The following EYS variants were observed in gnomAD, a reference collection of about 807,000 sequenced individuals.
EYS encodes the protein protein eyes shut homolog.
A neutral mutation model predicts 282.1 loss-of-function variants in EYS; 250 were observed. The observed-to-expected ratio is 0.89, with a 90% CI of 0.80 to 0.98. The LOEUF is 0.98. Ranked by LOEUF, EYS falls within the 50% of genes least tolerant of loss-of-function variation. The probability of loss-of-function intolerance (pLI) is 0.00; values close to 1 mark genes in which losing one functional copy is unlikely to be tolerated. For synonymous variants in EYS, 1,355 were observed against 1,282.9 expected (o/e 1.06, Z -1.20); for missense variants, 4,016 against 3,709.0 (o/e 1.08, Z -2.15).
At chr6:64,033,838 C>G (rs983542427) in intron 33 of EYS, among the ~76,000 whole-genome samples, 2 of 148,928 alleles carry the variant, frequency 1.3e-5, no homozygotes, top group Admixed American at 1.3e-4. Context: ...CTCTCTCTCT[C>G]TCTCTCTCTA....
chr6:63,820,223 TTAC>T (rs764109385), intron 36 of EYS, among the ~76,000 whole-genome samples: 25 of 152,328 alleles, frequency 1.6e-4, no homozygotes, highest in Non-Finnish European at 2.4e-4. Context: ...ATTTCCCTGA[TTAC>T]TAGTGAGTTT....
intron 22 of EYS, among the ~76,000 whole-genome samples, chr6:64,692,369 C>T (rs1380103878): frequency 1.3e-5 from 2 of 151,704 alleles, no homozygotes; most frequent in African/African-American, 4.8e-5. Flanking sequence ...CAATATAAGA[C>T]ATTTGTCAGA....
At chr6:63,794,858 T>C (rs1770602775) in intron 37 of EYS, among the ~76,000 whole-genome samples, 1 of 152,196 alleles carries the variant, frequency 6.6e-6, no homozygotes, top group Admixed American at 6.5e-5. Context: ...CAGTGAATCT[T>C]AATGAAATCA....
intron 40 of EYS, among the ~76,000 whole-genome samples, chr6:63,777,046 T>C (rs1411652875): frequency 6.6e-6 from 1 of 152,232 alleles, no homozygotes; most frequent in Non-Finnish European, 1.5e-5. Context: ...CCAAAAGTTA[T>C]TGCTCTGTGA....
chr6:63,803,303 G>C (rs1013590702), intron 37 of EYS, among the ~76,000 whole-genome samples: 9 of 151,850 alleles, frequency 5.9e-5, no homozygotes. Flanking sequence ...ATGATAAGTG[G>C]TGTGCAGAGT....
At chr6:65,255,875 G>A (rs1767446869) in intron 12 of EYS, among the ~76,000 whole-genome samples, 3 of 152,000 alleles carry the variant, frequency 2.0e-5, no homozygotes, top group Non-Finnish European at 2.9e-5. Flanking sequence ...TGTGAGGAAA[G>A]GGTAACCCAC....
intron 41 of EYS, among the ~76,000 whole-genome samples, chr6:63,757,344 T>A (rs1267837854): frequency 2.0e-5 from 3 of 152,036 alleles, no homozygotes; most frequent in Admixed American, 6.6e-5. Context: ...AACCCCACCC[T>A]GGTAAATTTG....
chr6:64,092,662 C>G (rs1475301098), intron 31 of EYS, among the ~76,000 whole-genome samples: 1 of 152,036 alleles, frequency 6.6e-6, no homozygotes, highest in African/African-American at 2.4e-5. Context: ...AGCCCTTTGT[C>G]AGATGAGTAG....
At chr6:63,934,224 G>A (rs773398579) in intron 35 of EYS, among the ~76,000 whole-genome samples, 57 of 152,242 alleles carry the variant, frequency 3.7e-4, no homozygotes, top group South Asian at 2.9e-3. Flanking sequence ...CAGTTAGAAC[G>A]GCGATCATTA....
intron 35 of EYS, among the ~76,000 whole-genome samples, chr6:63,871,759 T>A (rs1157385091): frequency 1.3e-5 from 2 of 152,176 alleles, no homozygotes; most frequent in African/African-American, 4.8e-5. Flanking sequence ...TGTAAACACA[T>A]TCCCTTTGCC....
At chr6:65,558,926 G>A (rs551934830) in intron 2 of EYS, among the ~76,000 whole-genome samples, 3 of 152,112 alleles carry the variant, frequency 2.0e-5, no homozygotes, top group Non-Finnish European at 4.4e-5. Context: ...TTGATGAAAT[G>A]GAAGATTTTA....
chr6:65,408,572 T>C (rs577722458), intron 5 of EYS, among the ~76,000 whole-genome samples: 92 of 152,282 alleles, frequency 6.0e-4, no homozygotes, highest in Non-Finnish European at 1.0e-3. Context: ...TAATGAGTCC[T>C]CACTTCCAAT....
chr6:64,956,847 A>T (rs1011610241), intron 14 of EYS, among the ~76,000 whole-genome samples: 1 of 152,228 alleles, frequency 6.6e-6, no homozygotes, highest in Admixed American at 6.5e-5. Flanking sequence ...GCTTAACATC[A>T]CTGATTATCA....
chr6:64,293,878 G>T (rs755107245), intron 30 of EYS, among the ~76,000 whole-genome samples: 1 of 152,044 alleles, frequency 6.6e-6, no homozygotes, highest in Non-Finnish European at 1.5e-5. Context: ...AGAAACTAGA[G>T]GTAGAATAAC....
intron 1 of EYS, among the ~76,000 whole-genome samples, chr6:65,657,769 A>G (rs1767876656): frequency 6.6e-6 from 1 of 151,874 alleles, no homozygotes; most frequent in Admixed American, 6.6e-5. Context: ...ATTTTGAAAG[A>G]AGTTCTACTG....
At chr6:64,802,994 AG>A (rs1764302758) in intron 22 of EYS, among the ~76,000 whole-genome samples, 1 of 152,144 alleles carries the variant, frequency 6.6e-6, no homozygotes, top group South Asian at 2.1e-4. Flanking sequence ...GCTCCATGCA[AG>A]GTTACAACTG....
intron 1 of EYS, among the ~76,000 whole-genome samples, chr6:65,681,903 A>AC (rs1163546193): frequency 7.2e-5 from 11 of 152,026 alleles, no homozygotes; most frequent in Non-Finnish European, 7.4e-5. Context: ...TAGTGCCTCT[A>AC]CCTGTCAAGC....
At chr6:64,955,176 C>A (rs1769654124) in intron 14 of EYS, among the ~76,000 whole-genome samples, 1 of 150,690 alleles carries the variant, frequency 6.6e-6, no homozygotes, top group Admixed American at 6.6e-5. Context: ...CAGAGTGAGA[C>A]TCTGTCTCAA....
chr6:65,657,632 G>T (rs938509292), intron 1 of EYS, among the ~76,000 whole-genome samples: 1 of 151,810 alleles, frequency 6.6e-6, no homozygotes, highest in Non-Finnish European at 1.5e-5. Flanking sequence ...AGCAAATAAC[G>T]TGGTTTCTTG....
Sources: gnomAD v4.1 joint callset for allele counts (sites outside exome capture counted in the v4.1 genomes callset) on GRCh38, gnomAD v4.1.1 for gene constraint, MANE v1.5 for transcripts, NCBI Gene and HGNC (gene_info 2026-07-23, HGNC 2026-07-21) for gene names.